Variants in DCLK1 observed in about 807,000 individuals in gnomAD.
The protein encoded by DCLK1 is doublecortin like kinase 1, also known as serine/threonine-protein kinase DCLK1.
Under a neutral mutation model 86.2 loss-of-function variants are expected in DCLK1, and 16 were observed. That is an observed-to-expected ratio of 0.19 (90% CI 0.13 to 0.28). The LOEUF is 0.28. Among genes scored for constraint, DCLK1 ranks in the 10% least tolerant of loss-of-function variants. The pLI is 1.00. For missense variants in DCLK1, 590 were observed against 940.2 expected (o/e 0.63, Z 4.87); for synonymous variants, 369 against 370.5 (o/e 1.00, Z 0.05).
intron 3 of DCLK1, among the ~76,000 whole-genome samples, chr13:36,013,985 C>A (rs1480927840): frequency 6.6e-6 from 1 of 152,154 alleles, no homozygotes; most frequent in Non-Finnish European, 1.5e-5. Context: ...GTGCGTCCGT[C>A]ACCCCTTTCT....
intron 3 of DCLK1, among the ~76,000 whole-genome samples, chr13:36,042,306 C>T (rs1389652315): frequency 6.6e-6 from 1 of 152,204 alleles, no homozygotes; most frequent in Admixed American, 6.5e-5. Context: ...ATGGATAAAA[C>T]TACTTTCTCA....
intron 3 of DCLK1, among the ~76,000 whole-genome samples, chr13:36,066,720 AAAC>A (rs1266864656): frequency 4.0e-5 from 6 of 150,892 alleles, no homozygotes; most frequent in African/African-American, 1.2e-4. Context: ...AGAAAAAAAC[AAAC>A]AACCCCATCA....
chr13:35,884,190 A>G (rs1473657312), intron 4 of DCLK1, among the ~76,000 whole-genome samples: 1 of 152,126 alleles, frequency 6.6e-6, no homozygotes, highest in Non-Finnish European at 1.5e-5. Context: ...TAATTGTGCA[A>G]TGTGCCACTT....
At chr13:35,858,155 G>C (rs1330638391) in intron 5 of DCLK1, among the ~76,000 whole-genome samples, 4 of 152,144 alleles carry the variant, frequency 2.6e-5, no homozygotes, top group African/African-American at 9.7e-5. Context: ...AGGTAGGAGA[G>C]AGTGGGGCAC....
chr13:35,967,395 TGTG>T (rs1349676043), intron 3 of DCLK1, among the ~76,000 whole-genome samples: 2 of 152,028 alleles, frequency 1.3e-5, no homozygotes, highest in African/African-American at 4.8e-5. Flanking sequence ...AAGGGGGAAA[TGTG>T]GGGAAAAGAA....
chr13:35,893,938 T>C (rs1004671422), intron 4 of DCLK1, among the ~76,000 whole-genome samples: 1 of 152,222 alleles, frequency 6.6e-6, no homozygotes, highest in Non-Finnish European at 1.5e-5. Context: ...GTGGCTGAGA[T>C]AGTGACACCT....
chr13:35,947,166 C>G (rs990343637), intron 4 of DCLK1, among the ~76,000 whole-genome samples, 192 bp downstream of exon 4: 2 of 151,998 alleles, frequency 1.3e-5, no homozygotes, highest in Admixed American at 1.3e-4. Context: ...TTTAACTTTT[C>G]CAATTCTCAT....
At chr13:35,935,171 C>G (rs553567714) in intron 4 of DCLK1, among the ~76,000 whole-genome samples, 3 of 152,102 alleles carry the variant, frequency 2.0e-5, no homozygotes, top group African/African-American at 7.2e-5. Flanking sequence ...GGGAGACCAA[C>G]AAATAATACT....
intron 3 of DCLK1, among the ~76,000 whole-genome samples, chr13:35,991,422 G>A (rs778438142): frequency 3.3e-5 from 5 of 152,210 alleles, no homozygotes; most frequent in East Asian, 1.9e-4. Context: ...AGCACTTTGG[G>A]AGGCTGAGGC....
chr13:36,126,141 G>A lies in DCLK1; in HGVS notation c.-4C>T. 7 of 1,581,042 alleles carry A rather than the reference G, an allele frequency of 4.4e-6. No homozygotes were observed. The highest frequency in any genetic ancestry group is 6.0e-6 in the Non-Finnish European group (7 of 1,164,168). On this transcript the variant is annotated 5_prime_UTR_variant, in exon 2 of 17. Transcript: ENST00000360631. ...CCATGTCTCTGCCGAAGGACATGAT[G>A]GACTTCAAGTAGGACCTACGAGCCC...
chr13:36,072,099 A>C (rs755315112), intron 3 of DCLK1, among the ~76,000 whole-genome samples: 3 of 152,194 alleles, frequency 2.0e-5, no homozygotes, highest in Admixed American at 2.0e-4. Context: ...CTATGTTTGC[A>C]TCAATTTCTC....
chr13:35,973,822 G>T (rs1387494626), intron 3 of DCLK1, among the ~76,000 whole-genome samples: 1 of 152,162 alleles, frequency 6.6e-6, no homozygotes, highest in Non-Finnish European at 1.5e-5. Flanking sequence ...GGAAGAGGGA[G>T]CAGGGGCTGG....
chr13:35,837,231 T>G (rs1394758735), intron 7 of DCLK1, among the ~76,000 whole-genome samples: 1 of 152,246 alleles, frequency 6.6e-6, no homozygotes, highest in Non-Finnish European at 1.5e-5. Context: ...TCTTCTCGAT[T>G]TATGATGATG....
intron 3 of DCLK1, among the ~76,000 whole-genome samples, chr13:35,982,888 A>G (rs1879730729): frequency 6.6e-6 from 1 of 151,918 alleles, no homozygotes; most frequent in Admixed American, 6.6e-5. Flanking sequence ...CAGCTTCCCA[A>G]GTAGCTAGGA....
At chr13:36,099,314 A>G (rs1885118173) in intron 3 of DCLK1, among the ~76,000 whole-genome samples, 1 of 152,338 alleles carries the variant, frequency 6.6e-6, no homozygotes, top group African/African-American at 2.4e-5. Flanking sequence ...TTCAACTATA[A>G]AATAAAACAC....
At chr13:36,061,731 T>C (rs1883554781) in intron 3 of DCLK1, among the ~76,000 whole-genome samples, 1 of 152,212 alleles carries the variant, frequency 6.6e-6, no homozygotes, top group South Asian at 2.1e-4. Flanking sequence ...AAATATAATT[T>C]GGCTCAACTT....
chr13:35,805,598 C>T lies in DCLK1; in HGVS notation c.1944+101G>A, dbSNP rs565363372. 1,486 of 1,226,186 alleles carry T rather than the reference C, an allele frequency of 1.2e-3. 4 individuals carry two copies. Among genetic ancestry groups the T allele is most frequent in the Non-Finnish European group, 1.5e-3 (1,333 of 861,188 alleles). The allele number at this position is 1,226,186 out of a possible 1,614,324, so 76.0% of individuals were successfully genotyped here. A position where few individuals can be genotyped will look rare whatever the true frequency, so the allele number is the denominator to read the frequency against. ...ACAGGCGTGAGACACTGCGCCTGGC[C>T]CACAACACTTTCAAAAGGAGGCAAT... is the stretch of plus-strand genomic sequence containing the variant. On this transcript the variant is annotated intron_variant, in intron 15 of 16. Transcript: ENST00000360631.
At chr13:35,855,510 C>T (rs1351144007) in intron 5 of DCLK1, 3 of 1,606,446 alleles carry the variant, frequency 1.9e-6, no homozygotes, top group Admixed American at 1.7e-5. Flanking sequence ...TTTCACTTAC[C>T]TTCTATGAGT....
chr13:35,965,176 T>C (rs553442821), intron 3 of DCLK1, among the ~76,000 whole-genome samples: 1 of 152,304 alleles, frequency 6.6e-6, no homozygotes, highest in Non-Finnish European at 1.5e-5. Context: ...AGGTACCTCA[T>C]GAATGTGTCA....
Sources: gnomAD v4.1 joint callset for allele counts (sites outside exome capture counted in the v4.1 genomes callset) on GRCh38, gnomAD v4.1.1 for gene constraint, MANE v1.5 for transcripts, NCBI Gene and HGNC (gene_info 2026-07-23, HGNC 2026-07-21) for gene names.